Variants in PPIL1 observed in about 807,000 individuals in gnomAD.
PPIL1 encodes the protein peptidyl-prolyl cis-trans isomerase-like 1.
In PPIL1, 14 loss-of-function variants were observed where a neutral mutation model predicts 19.4. The observed-to-expected ratio is 0.72, with a 90% CI of 0.48 to 1.13. The LOEUF is 1.13. PPIL1 is among the 50% of genes most tolerant of loss of function. The pLI, the probability that PPIL1 is intolerant of heterozygous loss-of-function variation, is 0.00. For synonymous variants in PPIL1, 72 were observed against 73.6 expected (o/e 0.98, Z 0.11); for missense variants, 192 against 218.0 (o/e 0.88, Z 0.75).
intron 2 of PPIL1, among the ~76,000 whole-genome samples, chr6:36,863,301 C>G (rs577079232): frequency 2.8e-4 from 42 of 152,300 alleles, no homozygotes; most frequent in Non-Finnish European, 6.0e-4. Context: ...AACCTTGCTT[C>G]TTATTTCACT....
At chr6:36,865,339 G>A (rs944317662) in intron 2 of PPIL1, among the ~76,000 whole-genome samples, 4 of 152,158 alleles carry the variant, frequency 2.6e-5, no homozygotes, top group African/African-American at 9.7e-5. Flanking sequence ...CTGTCTAGGA[G>A]TCTCCATTAA....
chr6:36,863,092 T>A (rs1384757712), intron 2 of PPIL1, among the ~76,000 whole-genome samples: 1 of 152,224 alleles, frequency 6.6e-6, no homozygotes, highest in Non-Finnish European at 1.5e-5. Context: ...GGAAGCTATC[T>A]GGTGTGTAAC....
At chr6:36,864,906 T>C (rs761402751) in intron 2 of PPIL1, among the ~76,000 whole-genome samples, 1 of 152,196 alleles carries the variant, frequency 6.6e-6, no homozygotes, top group African/African-American at 2.4e-5. Flanking sequence ...TTATTCACTG[T>C]TGTATCTCCA....
intron 2 of PPIL1, among the ~76,000 whole-genome samples, chr6:36,858,106 C>T (rs569383656): frequency 6.6e-6 from 1 of 150,542 alleles, no homozygotes; most frequent in African/African-American, 2.4e-5. Context: ...TGGTGGCACA[C>T]ACCTGTAGTC....
At position 36,855,977 on chromosome 6, in the gene PPIL1, A is replaced by G; in HGVS notation, c.337T>C (p.Phe113Leu). 1 of 1,614,238 alleles carries G rather than the reference A, an allele frequency of 6.2e-7. No homozygotes were observed. Among genetic ancestry groups the G allele is most frequent in the Non-Finnish European group, 8.5e-7 (1 of 1,180,034 alleles). Residue 113 changes from phenylalanine to leucine, a missense_variant, in exon 4 of 4, where the codon TTT (phenylalanine) becomes CTT (leucine). By Grantham distance (22) the Phe-to-Leu change is conservative (BLOSUM62 0). Transcript: ENST00000373699. ...AGPDTNGSQF[F>L]VTLAPTQWLD... is the part of the protein sequence containing the mutation. ...CACTGGGTGGGGGCGAGGGTCACAAAGAACTGGCTGCCATTGGTATCTGGC... is the reference window on the plus strand; with the variant it reads ...CACTGGGTGGGGGCGAGGGTCACAAGGAACTGGCTGCCATTGGTATCTGGC...
rs1439803949 is a variant in PPIL1 at position 36,855,857 on chromosome 6, G to A, written c.457C>T (p.Pro153Ser). 6.2e-7 allele frequency: 1 copy of A among 1,614,050 alleles called. No individual in the cohort carries two copies. Among genetic ancestry groups the A allele is most frequent in the Admixed American group, 1.7e-5 (1 of 60,008 alleles). The change falls in exon 4 of 4, where the codon CCT becomes TCT. Residue 153 changes from proline to serine, a missense_variant. Transcript: ENST00000373699. Reference protein sequence around the residue: ...GMVETNSQDRPVDDVKIIKAY... With the variant: ...GMVETNSQDRSVDDVKIIKAY... ...TTAATGATCTTCACGTCGTCCACAGGGCGGTCCTGGGAGTTTGTTTCTACC... is the reference window on the plus strand; with the variant it reads ...TTAATGATCTTCACGTCGTCCACAGAGCGGTCCTGGGAGTTTGTTTCTACC...
chr6:36,859,844 T>TGTGTGTGTGTGTGTGTGTGTGTG (rs1554132501), intron 2 of PPIL1, among the ~76,000 whole-genome samples: 29 of 150,356 alleles, frequency 1.9e-4, no homozygotes, highest in African/African-American at 3.9e-4. Flanking sequence ...TGTGTGTGTG[T>TGTGTGTGTGTGTGTGTGTGTGTG]TTTGAGACAG....
intron 2 of PPIL1, among the ~76,000 whole-genome samples, chr6:36,863,785 T>C (rs575732375): frequency 6.6e-6 from 1 of 151,836 alleles, no homozygotes; most frequent in South Asian, 2.1e-4. Flanking sequence ...CAGTGGTCAA[T>C]CCTCAGCACT....
intron 2 of PPIL1, among the ~76,000 whole-genome samples, chr6:36,861,771 A>G (rs1014261799): frequency 4.7e-5 from 7 of 147,380 alleles, no homozygotes; most frequent in Non-Finnish European, 1.0e-4. Context: ...ATCTTGGCTC[A>G]CCGCAACCTC....
At chr6:36,862,298 T>A (rs766888514) in intron 2 of PPIL1, among the ~76,000 whole-genome samples, 7 of 152,148 alleles carry the variant, frequency 4.6e-5, no homozygotes, top group Non-Finnish European at 1.0e-4. Context: ...GCCTCTCTTC[T>A]GGCAAGAGTG....
At chr6:36,863,339 T>C (rs1165576178) in intron 2 of PPIL1, among the ~76,000 whole-genome samples, 1 of 152,146 alleles carries the variant, frequency 6.6e-6, no homozygotes, top group African/African-American at 2.4e-5. Flanking sequence ...AGAAGAGAAC[T>C]TTCACATGCT....
In PPIL1 at chr6:36,871,675, GA is replaced by G. The variant is rs748336580; in HGVS notation, c.211+42del. On this transcript the variant is annotated intron_variant, in intron 2 of 3. Coordinates refer to ENST00000373699, the MANE Select transcript of PPIL1 (RefSeq NM_016059.5). ...GCTTTAGAAAAAAAGACGAAAAGGA[GA>G]AAAAAAAAAGAAAACATAAACTAAT... The G allele has an allele frequency of 4.2e-4, 571 of 1,374,256 alleles. 1 individual carries two copies. The highest frequency in any genetic ancestry group is 9.8e-4 in the Admixed American group (41 of 41,626). The allele number at this position is 1,374,256 out of a possible 1,614,324, so 85.1% of individuals were successfully genotyped here.
In PPIL1 at chr6:36,856,649, C is replaced by T; in HGVS notation, c.217G>A (p.Gly73Ser). Residue 73 changes from glycine (G) to serine (S), a missense_variant, in exon 3 of 4, where the codon GGT (glycine) becomes AGT (serine). By Grantham distance (56) the Gly-to-Ser change is moderately conservative. Transcript: ENST00000373699. ...TGTTTGCCATAGATAGATGCACCAC[C>T]TCGACCTGCCCGATTGGAAGATGAC... ...QGGDPTGTGRGGASIYGKQFE... is the reference protein window; with the variant it reads ...QGGDPTGTGRSGASIYGKQFE... 6.2e-7 allele frequency: 1 copy of T among 1,614,050 alleles called. No homozygotes were observed. The highest frequency in any genetic ancestry group is 8.5e-7 in the Non-Finnish European group (1 of 1,179,910).
Position 36,855,533 on chromosome 6 carries a change from T to G in PPIL1, c.*280A>C. On this transcript the variant is annotated 3_prime_UTR_variant, in exon 4 of 4. Coordinates refer to ENST00000373699, the MANE Select transcript of PPIL1 (RefSeq NM_016059.5). ...TGTTCGACGTATATCAGAGCAGACA[T>G]GCACAAGAAGCAGCATTATGGTTCA... 2.3e-6 allele frequency: 1 copy of G among 438,314 alleles called. No individual in the cohort carries two copies. Among genetic ancestry groups the G allele is most frequent in the Non-Finnish European group, 4.3e-6 (1 of 235,040 alleles). The allele number at this position is 438,314 out of a possible 1,614,324, so 27.2% of individuals were successfully genotyped here.
chr6:36,858,246 A>G (rs970367142), intron 2 of PPIL1, among the ~76,000 whole-genome samples: 1 of 151,806 alleles, frequency 6.6e-6, no homozygotes, highest in African/African-American at 2.4e-5. Flanking sequence ...AAAAAAAAAA[A>G]AAAAAAAAAA....
chr6:36,872,967 A>G (rs1002048865), intron 1 of PPIL1, among the ~76,000 whole-genome samples: 5 of 152,216 alleles, frequency 3.3e-5, no homozygotes, highest in Non-Finnish European at 7.3e-5. Context: ...TGCACAGTGT[A>G]AACACTCTAT....
intron 2 of PPIL1, among the ~76,000 whole-genome samples, chr6:36,865,372 T>C (rs983315810): frequency 6.6e-6 from 1 of 152,242 alleles, no homozygotes; most frequent in Admixed American, 6.5e-5. Flanking sequence ...TGCTCCTTAC[T>C]GTCCCCTAAA....
intron 2 of PPIL1, among the ~76,000 whole-genome samples, chr6:36,866,715 A>G (rs1010927144): frequency 3.3e-5 from 5 of 152,174 alleles, no homozygotes; most frequent in African/African-American, 1.2e-4. Context: ...CACTGGTATT[A>G]AGAATTAAAA....
chr6:36,873,815 T>A lies in PPIL1; in HGVS notation c.56+902A>T, dbSNP rs767236774. ...CAGAGGACCTTGGCTGGTCCCTGGC[T>A]GTTGAGGGGAGAATGGCAGGTAGAC... On this transcript the variant is annotated intron_variant, in intron 1 of 3. Transcript: ENST00000373699. Among the ~76,000 whole-genome samples the A allele has an allele frequency of 6.4e-4, 97 of 152,242 alleles. 1 individual carries two copies. The highest frequency in any genetic ancestry group is 1.3e-3 in the Non-Finnish European group (86 of 68,014).
Sources: allele counts gnomAD v4.1 joint callset (sites outside exome capture counted in the v4.1 genomes callset), GRCh38; gene constraint gnomAD v4.1.1; transcripts MANE v1.5; gene names NCBI Gene and HGNC (gene_info 2026-07-23, HGNC 2026-07-21).